The following LY75 variants were observed in gnomAD, a reference collection of about 807,000 sequenced individuals.
LY75 encodes C-type lectin domain family 13 member B.
Under a neutral mutation model 231.7 loss-of-function variants are expected in LY75, and 185 were observed. That is an observed-to-expected ratio of 0.80 (90% CI 0.71 to 0.90). The LOEUF (loss-of-function observed/expected upper bound fraction) is 0.90. Among genes scored for constraint, LY75 ranks in the 40% least tolerant of loss-of-function variants. The probability of loss-of-function intolerance (pLI) is 0.00; values close to 1 mark genes in which losing one functional copy is unlikely to be tolerated. For synonymous variants in LY75, 668 were observed against 689.0 expected, an observed-to-expected ratio of 0.97 and a Z score of 0.48; for missense variants, 1,947 against 2,050.2, an observed-to-expected ratio of 0.95 and a Z score of 0.97.
At chr2:159,864,219 T>C (rs557416923) in intron 14 of LY75, among the ~76,000 whole-genome samples, 4 of 152,312 alleles carry the variant, frequency 2.6e-5, no homozygotes, top group Non-Finnish European at 4.4e-5. Flanking sequence ...GTTTCCTTTA[T>C]TGTGCAGAAG....
intron 4 of LY75, among the ~76,000 whole-genome samples, chr2:159,889,874 C>G (rs1336022801): frequency 6.6e-6 from 1 of 152,108 alleles, no homozygotes; most frequent in Non-Finnish European, 1.5e-5. Context: ...TCTTCCTTCC[C>G]TTCCTTTAAT....
At chr2:159,814,647 C>A (rs1163794596) in intron 31 of LY75, among the ~76,000 whole-genome samples, 12 of 138,688 alleles carry the variant, frequency 8.7e-5, no homozygotes, top group Admixed American at 6.6e-4. Flanking sequence ...AGAGCTGAAA[C>A]CCTGTCAAAA....
At chr2:159,879,479 G>A (rs2125874605) in intron 8 of LY75, 110 bp from the exon 9 acceptor site, 6 of 1,463,042 alleles carry the variant, frequency 4.1e-6, no homozygotes, top group Non-Finnish European at 5.5e-6. Context: ...ATGAATATAA[G>A]TGAATTATCA....
intron 4 of LY75, 65 bp downstream of exon 4, chr2:159,890,148 A>G (rs1302198916): frequency 6.4e-7 from 1 of 1,558,212 alleles, no homozygotes. Flanking sequence ...TGGATATGAA[A>G]ACAGAAGAAG....
At chr2:159,879,115 C>T (rs1685360545) in intron 9 of LY75, 144 bp downstream of exon 9, 3 of 889,084 alleles carry the variant, frequency 3.4e-6, no homozygotes, top group South Asian at 1.9e-5. Flanking sequence ...TGACTCACTG[C>T]CTTCTGGCTT....
chr2:159,892,911 T>A (rs1685802587), intron 3 of LY75, among the ~76,000 whole-genome samples: 1 of 152,110 alleles, frequency 6.6e-6, no homozygotes, highest in Admixed American at 6.6e-5. Flanking sequence ...AAGATCTATC[T>A]CTTCTCTTTC....
At chr2:159,850,208 G>T (rs1684340790) in intron 22 of LY75, 68 bp from the exon 23 acceptor site, 1 of 1,525,156 alleles carries the variant, frequency 6.6e-7, no homozygotes, top group African/African-American at 1.4e-5. Flanking sequence ...AAATGTCAAT[G>T]AATATATTTT....
At chr2:159,829,250 T>C (rs1305604800) in intron 28 of LY75, among the ~76,000 whole-genome samples, 2 of 152,172 alleles carry the variant, frequency 1.3e-5, no homozygotes, top group Non-Finnish European at 2.9e-5. Context: ...GCACACACGA[T>C]TTGGTTCTTG....
chr2:159,828,543 G>T (rs1342125885), intron 28 of LY75, among the ~76,000 whole-genome samples: 1 of 152,104 alleles, frequency 6.6e-6, no homozygotes, highest in African/African-American at 2.4e-5. Context: ...CATATACCGG[G>T]AATGGAAAAT....
intron 2 of LY75, among the ~76,000 whole-genome samples, chr2:159,896,652 C>T (rs1685916284): frequency 6.6e-6 from 1 of 152,004 alleles, no homozygotes; most frequent in Admixed American, 6.6e-5. Flanking sequence ...GACAGCAGTC[C>T]CTAACCTAAG....
intron 13 of LY75, among the ~76,000 whole-genome samples, chr2:159,869,661 C>A (rs186167647): frequency 5.3e-5 from 8 of 152,290 alleles, no homozygotes; most frequent in Non-Finnish European, 1.2e-4. Context: ...ATACTCACTA[C>A]AATGGGAACA....
chr2:159,806,945 G>A (rs1218234526), intron 34 of LY75, 28 bp downstream of exon 34: 1 of 1,574,046 alleles, frequency 6.4e-7, no homozygotes, highest in South Asian at 1.2e-5. Flanking sequence ...TCTGCAAAAA[G>A]TCTCCTAAGG....
Position 159,898,912 on chromosome 2 carries a change from T to G in LY75, c.242A>C (p.Gln81Pro). 1.2e-6 allele frequency: 2 copies of G among 1,614,236 alleles called. No individual in the cohort carries two copies. Among genetic ancestry groups the G allele is most frequent in the Non-Finnish European group, 1.7e-6 (2 of 1,180,044 alleles). Residue 81 changes from glutamine (Q) to proline (P), a missense_variant, in exon 2 of 35, where the codon CAA (glutamine) becomes CCA (proline). Gln to Pro is a moderately conservative substitution (Grantham distance 76). Transcript: ENST00000263636. ...GGTAATATCGAGGCCAAGGCACTTTTGGGAGTGCAAATGAAAGAGCCGATG... is the reference window on the plus strand; with the variant it reads ...GGTAATATCGAGGCCAAGGCACTTTGGGGAGTGCAAATGAAAGAGCCGATG... ...SQHRLFHLHS[Q>P]KCLGLDITKS... is the part of the protein sequence containing the mutation.
intron 29 of LY75, among the ~76,000 whole-genome samples, chr2:159,819,380 G>A (rs556284052): frequency 4.0e-5 from 6 of 151,480 alleles, no homozygotes; most frequent in Non-Finnish European, 8.8e-5. Context: ...CCCCAACCAA[G>A]TTTCACCTCT....
intron 28 of LY75, among the ~76,000 whole-genome samples, chr2:159,822,645 G>A (rs1263276350): frequency 6.6e-6 from 1 of 152,190 alleles, no homozygotes; most frequent in East Asian, 1.9e-4. Flanking sequence ...CTCCTCAAGT[G>A]GGTCTCTGAC....
chr2:159,884,693 G>A (rs898907363), intron 6 of LY75, among the ~76,000 whole-genome samples: 4 of 152,118 alleles, frequency 2.6e-5, no homozygotes, highest in Non-Finnish European at 5.9e-5. Context: ...ACTTGAATAC[G>A]CATCAGAACC....
At position 159,864,734 on chromosome 2, in the gene LY75, T is replaced by C. The variant is rs1574569581; in HGVS notation, c.2199+105A>G. On this transcript the variant is annotated intron_variant, in intron 14 of 34. Coordinates refer to ENST00000263636, the MANE Select transcript of LY75 (RefSeq NM_002349.4). Reference sequence around the variant, plus strand: ...TTCTTTGGCTATTCAGGGTCTTTTGTGGTTCCATATAAATTTTAGGTGTCA... The same window carrying C: ...TTCTTTGGCTATTCAGGGTCTTTTGCGGTTCCATATAAATTTTAGGTGTCA... 4.0e-5 allele frequency: 45 copies of C among 1,134,330 alleles called. 1 individual carries two copies. The highest frequency in any genetic ancestry group is 1.1e-4 in the South Asian group (5 of 47,354). 70.3% of individuals were successfully genotyped at this position (1,134,330 alleles called of 1,614,324 possible).
intron 31 of LY75, among the ~76,000 whole-genome samples, chr2:159,815,161 C>G (rs943973859): frequency 6.6e-6 from 1 of 152,132 alleles, no homozygotes; most frequent in African/African-American, 2.4e-5. Context: ...CCACCATGCC[C>G]AGCTATTTTT....
At chr2:159,850,772 T>TCA (rs1491219301) in intron 21 of LY75, among the ~76,000 whole-genome samples, 1 of 28,576 alleles carries the variant, frequency 3.5e-5, no homozygotes, top group Non-Finnish European at 6.4e-5. Flanking sequence ...CTTCAAACTT[T>TCA]CATATATATA....
Sources: allele counts gnomAD v4.1 joint callset (sites outside exome capture counted in the v4.1 genomes callset), GRCh38; gene constraint gnomAD v4.1.1; transcripts MANE v1.5; gene names NCBI Gene and HGNC (gene_info 2026-07-23, HGNC 2026-07-21).